The following TENM4 variants were observed in gnomAD, a reference collection of about 807,000 sequenced individuals.
TENM4 encodes teneurin transmembrane protein 4.
TENM4 carries 82 observed loss-of-function variants against 243.3 expected under a neutral mutation model. The ratio of observed to expected loss-of-function variants is 0.34; its 90% CI spans 0.28 to 0.40. The LOEUF (loss-of-function observed/expected upper bound fraction) is 0.40. Among genes scored for constraint, TENM4 ranks in the 10% least tolerant of loss-of-function variants. The pLI, the probability that TENM4 is intolerant of heterozygous loss-of-function variation, is 1.00. For synonymous variants in TENM4, 1,412 were observed against 1,456.3 expected (o/e 0.97, Z 0.69); for missense variants, 3,138 against 3,673.3 (o/e 0.85, Z 3.77).
At chr11:79,302,942 G>A (rs1456339244) in intron 1 of TENM4, among the ~76,000 whole-genome samples, 2 of 152,210 alleles carry the variant, frequency 1.3e-5, no homozygotes, top group Non-Finnish European at 2.9e-5. Flanking sequence ...AGTTCAAGGA[G>A]TAGAAGGAGG....
In TENM4 at chr11:79,085,393, G is replaced by T. The variant is rs1477996355; in HGVS notation, c.-65-15384C>A. Among the ~76,000 whole-genome samples, 12 of 147,034 alleles carry T rather than the reference G, an allele frequency of 8.2e-5. No individual in the cohort carries two copies. The East Asian group carries it at 2.0e-3, about 25-fold the overall frequency. Reference sequence around the variant, plus strand: ...CTCTGTCTCAAAAAAAAAAAAGGGGGGTTTTTTTTTTGGGTCAGGCTTTTT... The same window carrying T: ...CTCTGTCTCAAAAAAAAAAAAGGGGTGTTTTTTTTTTGGGTCAGGCTTTTT... On this transcript the variant is annotated intron_variant, in intron 4 of 33. Transcript: ENST00000278550.
chr11:78,968,553 A>C (rs1338986300), intron 6 of TENM4, among the ~76,000 whole-genome samples: 4 of 152,232 alleles, frequency 2.6e-5, no homozygotes, highest in African/African-American at 9.6e-5. Flanking sequence ...TAGCAATGCA[A>C]AATGGGCTAA....
chr11:78,817,016 T>G (rs974471864), intron 12 of TENM4, among the ~76,000 whole-genome samples: 2 of 152,192 alleles, frequency 1.3e-5, no homozygotes, highest in Non-Finnish European at 2.9e-5. Flanking sequence ...CTGCAACTGC[T>G]TCCTGTTCTA....
intron 26 of TENM4, 92 bp from the exon 27 acceptor site, chr11:78,708,607 C>T (rs1243879468): frequency 2.8e-6 from 4 of 1,443,532 alleles, no homozygotes; most frequent in Admixed American, 2.0e-5. Context: ...AGAGCACCTC[C>T]TCTACATGAT....
intron 3 of TENM4, among the ~76,000 whole-genome samples, chr11:79,155,504 G>C (rs777696568): frequency 3.9e-5 from 6 of 152,068 alleles, no homozygotes; most frequent in Non-Finnish European, 7.4e-5. Flanking sequence ...AACCTATCAA[G>C]ATAGACTCCA....
At position 78,722,685 on chromosome 11, in the gene TENM4, G is replaced by C. The variant is rs775786256; in HGVS notation, c.3783C>G (p.Thr1261=). The change falls in exon 24 of 34, where the codon ACC becomes ACG. Residue 1261 remains threonine (T), a synonymous_variant. Transcript: ENST00000278550. ...TTACATACCTCAGCTCTAGGATGTTGGTGACATTTCCAGAGGGGAAGATCC... is the reference window on the plus strand; with the variant it reads ...TTACATACCTCAGCTCTAGGATGTTCGTGACATTTCCAGAGGGGAAGATCC... ...IRRIFPSGNV[T]NILELRNKDF... 4 of 1,613,422 alleles carry C rather than the reference G, an allele frequency of 2.5e-6. No individual in the cohort carries two copies. The highest frequency in any genetic ancestry group is 2.2e-5 in the South Asian group (2 of 91,066).
At chr11:78,812,020 A>C in intron 14 of TENM4, 102 bp downstream of exon 14, 1 of 1,414,310 alleles carries the variant, frequency 7.1e-7, no homozygotes, top group Non-Finnish European at 9.4e-7. Context: ...GGGTCACAAA[A>C]TGGCTCAGGA....
intron 6 of TENM4, among the ~76,000 whole-genome samples, chr11:79,060,310 T>G (rs903576824): frequency 2.0e-5 from 3 of 152,200 alleles, no homozygotes; most frequent in Non-Finnish European, 4.4e-5. Context: ...AATTCTGTAT[T>G]TATTTTAGAT....
At chr11:79,300,840 G>C (rs924138532) in intron 1 of TENM4, among the ~76,000 whole-genome samples, 2 of 152,086 alleles carry the variant, frequency 1.3e-5, no homozygotes, top group African/African-American at 4.8e-5. Flanking sequence ...ATTATTTTTA[G>C]CTTGCTTCCA....
At chr11:79,423,251 A>T (rs949260958) in intron 1 of TENM4, among the ~76,000 whole-genome samples, 1 of 152,070 alleles carries the variant, frequency 6.6e-6, no homozygotes, top group African/African-American at 2.4e-5. Context: ...TACCTATATT[A>T]TCTCCTGAAG....
intron 6 of TENM4, among the ~76,000 whole-genome samples, chr11:79,044,815 C>T (rs975633802): frequency 3.3e-5 from 5 of 152,168 alleles, no homozygotes; most frequent in African/African-American, 1.2e-4. Flanking sequence ...TCTGCATCCC[C>T]TAACCCCAAA....
At chr11:79,422,033 T>G (rs992319428) in intron 1 of TENM4, 1 of 152,544 alleles carries the variant, frequency 6.6e-6, no homozygotes, top group Admixed American at 6.6e-5. Context: ...AGGGACCTCC[T>G]GCTAGGGCTG....
At chr11:79,237,190 T>C (rs1197160658) in intron 2 of TENM4, among the ~76,000 whole-genome samples, 1 of 142,978 alleles carries the variant, frequency 7.0e-6, no homozygotes, top group Non-Finnish European at 1.6e-5. Flanking sequence ...AGAGATTTTT[T>C]TATGTCTTTA....
chr11:79,429,450 C>T (rs1859122385), intron 1 of TENM4, among the ~76,000 whole-genome samples: 1 of 152,090 alleles, frequency 6.6e-6, no homozygotes, highest in Non-Finnish European at 1.5e-5. Context: ...AAGAGCAATG[C>T]CAGGAGCTAC....
intron 6 of TENM4, among the ~76,000 whole-genome samples, chr11:79,017,785 T>C (rs11237690): frequency 0.18 from 26,994 of 152,192 alleles, 2,637 homozygotes; most frequent in Non-Finnish European, 0.22. Context: ...CACAGGCTGC[T>C]TAGGGAGCAG....
At chr11:79,328,045 A>T (rs1229286318) in intron 1 of TENM4, among the ~76,000 whole-genome samples, 1 of 152,198 alleles carries the variant, frequency 6.6e-6, no homozygotes, top group Non-Finnish European at 1.5e-5. Flanking sequence ...TTCCTTTGAA[A>T]GGCATCTCTT....
chr11:79,083,454 C>T (rs1860728113), intron 4 of TENM4, among the ~76,000 whole-genome samples: 1 of 152,202 alleles, frequency 6.6e-6, no homozygotes, highest in South Asian at 2.1e-4. Context: ...AACCACACTC[C>T]CAAATTCTTA....
intron 1 of TENM4, among the ~76,000 whole-genome samples, chr11:79,416,913 C>A (rs980934649): frequency 6.6e-6 from 1 of 152,068 alleles, no homozygotes; most frequent in Non-Finnish European, 1.5e-5. Context: ...ACACTACAGG[C>A]AACTGTAACA....
rs750443490 is a variant in TENM4 at position 78,695,407 on chromosome 11, C to A, written c.5087+6119G>T. The stretch of plus-strand genomic sequence containing the variant: ...GAGACAGAGTTTCACTCTTGCTGCC[C>A]AGGCTGGAGTGCAATGGCACATCTC... On this transcript the variant is annotated intron_variant, in intron 28 of 33. Coordinates refer to ENST00000278550, the MANE Select transcript of TENM4 (RefSeq NM_001098816.3). Among the ~76,000 whole-genome samples, 33 of 152,130 alleles carry A rather than the reference C, an allele frequency of 2.2e-4. 1 individual carries two copies. The highest frequency in any genetic ancestry group is 7.4e-5 in the Non-Finnish European group (5 of 68,024).
Sources: gnomAD v4.1 joint callset for allele counts (sites outside exome capture counted in the v4.1 genomes callset) on GRCh38, gnomAD v4.1.1 for gene constraint, MANE v1.5 for transcripts, NCBI Gene and HGNC (gene_info 2026-07-23, HGNC 2026-07-21) for gene names.